DIO1: variants seen among roughly 807,000 people sequenced by gnomAD.
DIO1 encodes the protein iodothyronine deiodinase 1.
In DIO1, 17 loss-of-function variants were observed where a neutral mutation model predicts 25.9. The observed-to-expected ratio is 0.66, with a 90% CI of 0.45 to 0.98. The LOEUF is 0.98. Among genes scored for constraint, DIO1 ranks in the 50% least tolerant of loss-of-function variants. The pLI is 0.00. For synonymous variants in DIO1, 115 were observed against 114.0 expected (o/e 1.01, Z -0.05); for missense variants, 270 against 310.4 (o/e 0.87, Z 0.98).
intron 1 of DIO1, among the ~76,000 whole-genome samples, chr1:53,897,031 C>T (rs1404002777): frequency 6.6e-6 from 1 of 152,210 alleles, no homozygotes; most frequent in East Asian, 1.9e-4. Context: ...GCCCATGTGC[C>T]AAGCACTGTA....
rs566705120 is a variant in DIO1, at chr1:53,895,000, C to T, written c.337+453C>T. Among the ~76,000 whole-genome samples, 3 of 152,186 alleles carry T rather than the reference C, an allele frequency of 2.0e-5. No homozygotes were observed. The highest frequency in any genetic ancestry group is 2.1e-4 in the South Asian group (1 of 4,834). On this transcript the variant is annotated intron_variant, in intron 1 of 3. Transcript: ENST00000361921. The surrounding 1 kb of genome is among the most constrained non-coding windows in gnomAD (Gnocchi z 4.9). ...ACCTGTCGCGGTTTGTAATTATGTA[C>T]GGCTGGCTAGGATTCATGTCTGCTT...
intron 1 of DIO1, among the ~76,000 whole-genome samples, chr1:53,896,258 C>G (rs2100758152): frequency 7.1e-6 from 1 of 141,674 alleles, no homozygotes; most frequent in South Asian, 2.2e-4. Context: ...CACTCTACTG[C>G]CCACGCTGGA....
chr1:53,904,803 G>A lies in DIO1; in HGVS notation c.475G>A (p.Ala159Thr). ...TGTCATTTACATTGAAGAAGCACATGCATCAGGTACAGAAAGATTCTCTGC... is the reference window on the plus strand; with the variant it reads ...TGTCATTTACATTGAAGAAGCACATACATCAGGTACAGAAAGATTCTCTGC... The part of the protein sequence containing the change: ...FLVIYIEEAH[A>T]SDGWAFKNNM... The change falls in exon 2 of 4, where the codon GCA becomes ACA. Residue 159 changes from alanine to threonine, a missense_variant. Physicochemically the swap from Ala to Thr is moderately conservative, Grantham distance 58. Coordinates refer to ENST00000361921, the MANE Select transcript of DIO1 (RefSeq NM_000792.7). 1 of 1,611,686 alleles carries A rather than the reference G, an allele frequency of 6.2e-7. No individual in the cohort carries two copies. The highest frequency in any genetic ancestry group is 8.5e-7 in the Non-Finnish European group (1 of 1,178,958).
chr1:53,908,170 C>T (rs1296056836), intron 3 of DIO1, among the ~76,000 whole-genome samples: 1 of 149,302 alleles, frequency 6.7e-6, no homozygotes, highest in Non-Finnish European at 1.5e-5. Context: ...TGCAGTGAGC[C>T]GAGATCGCAC....
chr1:53,908,668 G>T (rs1569743266), intron 3 of DIO1, among the ~76,000 whole-genome samples: 1 of 152,154 alleles, frequency 6.6e-6, no homozygotes, highest in Non-Finnish European at 1.5e-5. Flanking sequence ...GGCATAGTAG[G>T]GCAGAGTGTG....
chr1:53,906,982 G>C (rs754308386), intron 3 of DIO1, among the ~76,000 whole-genome samples: 1 of 152,168 alleles, frequency 6.6e-6, no homozygotes, highest in Non-Finnish European at 1.5e-5. Flanking sequence ...AATGTTCAGA[G>C]AGGGGAATTG....
rs1651751690 is a variant in DIO1, at chr1:53,908,086, G to A, written c.681+1792G>A. Among the ~76,000 whole-genome samples the A allele has an allele frequency of 2.6e-5, 4 of 151,890 alleles. No individual in the cohort carries two copies. In the South Asian group the frequency reaches 8.3e-4, roughly 31 times the overall value. ...AAAATACAAAAATTAGCCAGGCATG[G>A]TGGCATGTGCCTATAATCCCAGCTA... On this transcript the variant is annotated intron_variant, in intron 3 of 3. Coordinates refer to ENST00000361921, the MANE Select transcript of DIO1 (RefSeq NM_000792.7).
intron 1 of DIO1, among the ~76,000 whole-genome samples, chr1:53,899,246 G>A (rs1158563306): frequency 6.6e-6 from 1 of 152,144 alleles, no homozygotes; most frequent in Non-Finnish European, 1.5e-5. Context: ...ATCTTCTAAC[G>A]TCTTTCCAGC....
At chr1:53,908,092 T>G (rs1651752050) in intron 3 of DIO1, among the ~76,000 whole-genome samples, 1 of 149,986 alleles carries the variant, frequency 6.7e-6, no homozygotes, top group Non-Finnish European at 1.5e-5. Flanking sequence ...CATGGTGGCA[T>G]GTGCCTATAA....
In DIO1 at chr1:53,906,090, T is replaced by A; in HGVS notation, c.482-5T>A. 1 of 1,614,160 alleles carries A rather than the reference T, an allele frequency of 6.2e-7. No homozygotes were observed. The highest frequency in any genetic ancestry group is 2.2e-5 in the East Asian group (1 of 44,878). On this transcript the variant is annotated splice_region_variant and splice_polypyrimidine_tract_variant and intron_variant, in intron 2 of 3. Transcript: ENST00000361921. ...GGGACTCGGTGCCTGGCCTTTCTCT[T>A]GTAGATGGCTGGGCTTTTAAGAACA... is the stretch of plus-strand genomic sequence containing the variant.
At chr1:53,899,494 CTTAGT>C (rs1262153461) in intron 1 of DIO1, among the ~76,000 whole-genome samples, 1 of 152,310 alleles carries the variant, frequency 6.6e-6, no homozygotes, top group Admixed American at 6.5e-5. Context: ...AAGCAGAGAG[CTTAGT>C]TTAAACTTTG....
At position 53,910,987 on chromosome 1, in the gene DIO1, T is replaced by C. The variant is rs1389141856; in HGVS notation, c.*988T>C. ...TGTGTCTTTACATATTTGTTTATGA[T>C]GGCCACAGCCTAAAGTACACACGGC... On this transcript the variant is annotated 3_prime_UTR_variant, in exon 4 of 4. Transcript: ENST00000361921. The C allele has an allele frequency of 1.3e-5, 2 of 152,694 alleles. No homozygotes were observed. Among genetic ancestry groups the C allele is most frequent in the African/African-American group, 4.8e-5 (2 of 41,476 alleles). 9.5% of individuals were successfully genotyped at this position (152,694 alleles called of 1,614,324 possible). A position where few individuals can be genotyped will look rare whatever the true frequency, so the allele number is the denominator to read the frequency against.
chr1:53,895,646 C>T (rs1023819531), intron 1 of DIO1, among the ~76,000 whole-genome samples: 3 of 152,212 alleles, frequency 2.0e-5, no homozygotes, highest in Admixed American at 2.0e-4. Context: ...CCAGCTCAAC[C>T]ACTTTCAGCA....
chr1:53,910,023 G>A lies in DIO1; in HGVS notation c.*24G>A, dbSNP rs778121718. On this transcript the variant is annotated 3_prime_UTR_variant, in exon 4 of 4. Coordinates refer to ENST00000361921, the MANE Select transcript of DIO1 (RefSeq NM_000792.7). ...AATCTGGACAGATACCTCAATTCTA[G>A]GTGACCAACGGGAGGGCTTCTCAAG... 2.5e-6 allele frequency: 4 copies of A among 1,608,228 alleles called. No homozygotes were observed. The highest frequency in any genetic ancestry group is 3.4e-6 in the Non-Finnish European group (4 of 1,174,646).
intron 1 of DIO1, 24 bp from the exon 2 acceptor site, chr1:53,904,642 T>C (rs1034381796): frequency 5.6e-6 from 9 of 1,608,844 alleles, no homozygotes; most frequent in African/African-American, 1.3e-5. Context: ...GGGTCTCAGT[T>C]TGTGATGGTT....
chr1:53,894,217 C>A lies in DIO1; in HGVS notation c.7C>A (p.Leu3Met), dbSNP rs959710962. MG[L>M]PQPGLWLKRL... is the part of the protein sequence containing the mutation. Reference sequence around the variant, plus strand: ...TTACTCTGGCTTTGCCGAGATGGGGCTGCCCCAGCCAGGGCTGTGGCTGAA... The same window carrying A: ...TTACTCTGGCTTTGCCGAGATGGGGATGCCCCAGCCAGGGCTGTGGCTGAA... The change falls in exon 1 of 4, where the codon CTG becomes ATG. Residue 3 changes from leucine (L) to methionine (M), a missense_variant. Leu to Met is a conservative substitution (Grantham distance 15). Coordinates refer to ENST00000361921, the MANE Select transcript of DIO1 (RefSeq NM_000792.7). The surrounding 1 kb of genome is among the most constrained non-coding windows in gnomAD (Gnocchi z 4.9). 1 of 1,612,288 alleles carries A rather than the reference C, an allele frequency of 6.2e-7. No homozygotes were observed. The highest frequency in any genetic ancestry group is 1.1e-5 in the South Asian group (1 of 90,950).
intron 3 of DIO1, among the ~76,000 whole-genome samples, chr1:53,908,521 T>C (rs1651778595): frequency 6.6e-6 from 1 of 152,134 alleles, no homozygotes; most frequent in Non-Finnish European, 1.5e-5. Context: ...ACTGTAAGTT[T>C]TTCAACCTCT....
At chr1:53,902,419 C>T (rs1651414751) in intron 1 of DIO1, among the ~76,000 whole-genome samples, 1 of 151,782 alleles carries the variant, frequency 6.6e-6, no homozygotes, top group Non-Finnish European at 1.5e-5. Flanking sequence ...CTGCCGAATC[C>T]CCAGTGTGTG....
At chr1:53,905,599 G>A (rs1651613512) in intron 2 of DIO1, among the ~76,000 whole-genome samples, 1 of 152,182 alleles carries the variant, frequency 6.6e-6, no homozygotes, top group Non-Finnish European at 1.5e-5. Flanking sequence ...CCCATTTCTA[G>A]TCCATCCACG....
Sources: gnomAD v4.1 joint callset for allele counts (sites outside exome capture counted in the v4.1 genomes callset) on GRCh38, gnomAD v4.1.1 for gene constraint, Gnocchi (gnomAD v3.1) non-coding constraint, MANE v1.5 for transcripts, NCBI Gene and HGNC (gene_info 2026-07-23, HGNC 2026-07-21) for gene names.